Variants in LINC00632 observed in about 807,000 individuals in gnomAD.
LINC00632 encodes ALDOA related specific transcript.
At chrX:140,771,680 T>G in intron 3 of LINC00632, among the ~76,000 whole-genome samples, 1 of 35,863 alleles carries the variant, frequency 2.8e-5, no homozygotes, top group East Asian at 6.8e-4. Context: ...TATATATATA[T>G]ATATATTTTT....
chrX:140,771,607 A>G (rs1166866179), intron 3 of LINC00632, among the ~76,000 whole-genome samples: 1 of 43,181 alleles, frequency 2.3e-5, no homozygotes, highest in Non-Finnish European at 3.7e-5. Context: ...GCAATTTGGC[A>G]TATATACACA....
At chrX:140,750,211 A>G (rs1403746838) in intron 3 of LINC00632, among the ~76,000 whole-genome samples, 2 of 110,993 alleles carry the variant, frequency 1.8e-5, no homozygotes, top group African/African-American at 3.3e-5. Flanking sequence ...TGGAGTGTAA[A>G]AAAAGTTGAA....
chrX:140,715,606 A>C (rs1432378146), intron 2 of LINC00632, among the ~76,000 whole-genome samples: 3 of 110,103 alleles, frequency 2.7e-5, no homozygotes, highest in African/African-American at 9.9e-5. Flanking sequence ...AAAAAAAAGA[A>C]AGAAAGAAAG....
intron 3 of LINC00632, among the ~76,000 whole-genome samples, chrX:140,759,138 ATT>A (rs746349679): frequency 4.7e-5 from 4 of 84,904 alleles, no homozygotes; most frequent in African/African-American, 8.7e-5. Context: ...TTAATTTTGT[ATT>A]TTTTTTTTTT....
chrX:140,788,332 A>C (rs1932048310), exon 5 of LINC00632, among the ~76,000 whole-genome samples: 1 of 110,525 alleles, frequency 9.0e-6, no homozygotes, highest in Non-Finnish European at 1.9e-5. Flanking sequence ...ACATTAAATA[A>C]AAAGGCAAGT....
intron 2 of LINC00632, among the ~76,000 whole-genome samples, chrX:140,722,942 G>T (rs942621559): frequency 1.9e-5 from 2 of 107,215 alleles, no homozygotes; most frequent in Non-Finnish European, 3.8e-5. Context: ...CCAGCTACTC[G>T]GGAGGCTGAG....
chrX:140,784,077 A>C lies in LINC00632; in HGVS notation n.12096A>C, dbSNP rs774818428. ...GAAATCCGTGTCTTCCAGCAAGTCC[A>C]CGTCTTCCAACAAAGCCATGTCTTC... On this transcript the variant is annotated non_coding_transcript_exon_variant, in exon 5 of 5. Transcript: ENST00000648200. 3.3e-6 allele frequency: 4 copies of C among 1,210,890 alleles called. No individual in the cohort carries two copies. The South Asian group carries it at 7.0e-5, about 21-fold the overall frequency.
exon 5 of LINC00632, among the ~76,000 whole-genome samples, chrX:140,780,927 G>A (rs1365978052): frequency 9.1e-6 from 1 of 110,111 alleles, no homozygotes; most frequent in African/African-American, 3.3e-5. Context: ...TTAGCTTGGG[G>A]TATTAGGTGT....
At chrX:140,709,900 G>A (rs369404055) in intron 1 of LINC00632, 6 of 296,110 alleles carry the variant, frequency 2.0e-5, no homozygotes, top group East Asian at 1.1e-4. Context: ...ATGCAAAATT[G>A]TGTAGGAATC....
At chrX:140,737,458 T>G (rs1351275052) in intron 3 of LINC00632, among the ~76,000 whole-genome samples, 1 of 111,779 alleles carries the variant, frequency 8.9e-6, no homozygotes, top group Non-Finnish European at 1.9e-5. Flanking sequence ...CATTTCTCTG[T>G]GTTAGGTACA....
chrX:140,788,433 TTTCA>T (rs1304667603), exon 5 of LINC00632, among the ~76,000 whole-genome samples: 1 of 110,553 alleles, frequency 9.0e-6, no homozygotes, highest in Admixed American at 9.7e-5. Context: ...TACATTTGTC[TTTCA>T]TTATTTTTTA....
At chrX:140,760,158 G>A (rs1444762658) in intron 3 of LINC00632, among the ~76,000 whole-genome samples, 3 of 111,760 alleles carry the variant, frequency 2.7e-5, no homozygotes, top group Admixed American at 9.5e-5. Flanking sequence ...TGGGAGCCTG[G>A]GGATTGCTCT....
intron 3 of LINC00632, among the ~76,000 whole-genome samples, chrX:140,735,298 A>G (rs926100157): frequency 1.8e-5 from 2 of 111,454 alleles, no homozygotes; most frequent in Admixed American, 1.9e-4. Flanking sequence ...TTTAACAGAC[A>G]ACTTGATTAG....
At chrX:140,789,747 C>T (rs1932079361) in exon 5 of LINC00632, among the ~76,000 whole-genome samples, 1 of 111,328 alleles carries the variant, frequency 9.0e-6, no homozygotes. Context: ...TTTATTTCTT[C>T]TTTAAGAAAT....
intron 2 of LINC00632, among the ~76,000 whole-genome samples, chrX:140,729,661 G>T (rs1931024613): frequency 9.1e-6 from 1 of 110,128 alleles, no homozygotes; most frequent in African/African-American, 3.3e-5. Flanking sequence ...AATCATAAAA[G>T]TCACAGCACC....
intron 2 of LINC00632, among the ~76,000 whole-genome samples, chrX:140,723,715 G>GCATT (rs766779739): frequency 0.28 from 31 of 109 alleles, 13 homozygotes; most frequent in Admixed American, 0.67. Flanking sequence ...ATACACACAC[G>GCATT]CCATACACAC....
chrX:140,716,021 G>T (rs1271444248), intron 2 of LINC00632: 1 of 112,514 alleles, frequency 8.9e-6, no homozygotes, highest in Non-Finnish European at 1.9e-5. Context: ...GCACAGAATT[G>T]CATCATAACA....
chrX:140,780,311 G>A (rs984697945), exon 5 of LINC00632, among the ~76,000 whole-genome samples: 10 of 111,585 alleles, frequency 9.0e-5, no homozygotes, highest in Admixed American at 1.9e-4. Flanking sequence ...ATTAAGGTAT[G>A]CATGATGGTT....
exon 5 of LINC00632, among the ~76,000 whole-genome samples, chrX:140,775,202 T>C (rs899965954): frequency 1.1e-4 from 12 of 112,133 alleles, no homozygotes; most frequent in African/African-American, 3.9e-4. Flanking sequence ...AAATGGATAT[T>C]ATTACCTCCT....
Sources: allele counts gnomAD v4.1 joint callset (sites outside exome capture counted in the v4.1 genomes callset), GRCh38; gene constraint gnomAD v4.1.1; transcripts MANE v1.5; gene names NCBI Gene and HGNC (gene_info 2026-07-23, HGNC 2026-07-21).